CAPN13: variants seen among roughly 807,000 people sequenced by gnomAD.
CAPN13 encodes calpain-13.
In CAPN13, 90 loss-of-function variants were observed where a neutral mutation model predicts 98.4. That is an observed-to-expected ratio of 0.92 (90% CI 0.77 to 1.09). The LOEUF is 1.09. CAPN13 is among the 50% of genes least tolerant of loss of function. The probability of loss-of-function intolerance (pLI) is 0.00; values close to 1 mark genes in which losing one functional copy is unlikely to be tolerated. For synonymous variants in CAPN13, 330 were observed against 305.5 expected, an observed-to-expected ratio of 1.08 and a Z score of -0.84; for missense variants, 887 against 841.3, an observed-to-expected ratio of 1.05 and a Z score of -0.67.
chr2:30,804,762 C>T (rs990421121), intron 1 of CAPN13, among the ~76,000 whole-genome samples: 1 of 152,120 alleles, frequency 6.6e-6, no homozygotes, highest in Non-Finnish European at 1.5e-5. Context: ...GCATGCTCCA[C>T]CATGGACGTT....
chr2:30,762,791 C>A (rs77535373), intron 7 of CAPN13, among the ~76,000 whole-genome samples: 1 of 152,224 alleles, frequency 6.6e-6, no homozygotes, highest in Admixed American at 6.5e-5. Context: ...ATTCTACCTC[C>A]TTTGGGGCTA....
At chr2:30,731,071 GCGGGCTGTCCTTC>G (rs1388496505) in intron 21 of CAPN13, among the ~76,000 whole-genome samples, 1 of 152,204 alleles carries the variant, frequency 6.6e-6, no homozygotes, top group East Asian at 1.9e-4. Context: ...AGTGAGCTCA[GCGGGCTGTCCTTC>G]TGTTCCCTCC....
intron 19 of CAPN13, 102 bp downstream of exon 19, chr2:30,734,347 C>T: frequency 1.1e-6 from 1 of 871,732 alleles, no homozygotes; most frequent in East Asian, 2.6e-5. Context: ...GCTCCTCTCT[C>T]CTGATTGCCT....
intron 22 of CAPN13, among the ~76,000 whole-genome samples, chr2:30,728,813 G>C (rs149950557): frequency 6.6e-6 from 1 of 152,208 alleles, no homozygotes; most frequent in Non-Finnish European, 1.5e-5. Context: ...AAATCAGATA[G>C]GGAGGCCATG....
At chr2:30,795,251 A>T (rs1338129257) in intron 1 of CAPN13, among the ~76,000 whole-genome samples, 1 of 152,078 alleles carries the variant, frequency 6.6e-6, no homozygotes, top group Non-Finnish European at 1.5e-5. Context: ...TCTCCTGATA[A>T]ACATGCAAGA....
intron 1 of CAPN13, among the ~76,000 whole-genome samples, chr2:30,796,138 A>G (rs1215838582): frequency 7.2e-6 from 1 of 138,176 alleles, no homozygotes; most frequent in East Asian, 2.1e-4. Context: ...ACATATATAT[A>G]TGTGTGTATA....
chr2:30,777,578 T>G lies in CAPN13; in HGVS notation c.260A>C (p.Gln87Pro). 9 of 1,577,190 alleles carry G rather than the reference T, an allele frequency of 5.7e-6. No individual in the cohort carries two copies. Among genetic ancestry groups the G allele is most frequent in the Non-Finnish European group, 7.8e-6 (9 of 1,159,806 alleles). Residue 87 changes from glutamine to proline, a missense_variant, in exon 3 of 23, where the codon CAA becomes CCA. By Grantham distance (76) the Gln-to-Pro change is moderately conservative. Coordinates refer to ENST00000295055, the MANE Select transcript of CAPN13 (RefSeq NM_144575.3). ...LDDISRFDIQ[Q>P]GGAADCWFLA... is the part of the protein sequence containing the mutation. ...TGTTGCACTCTTACCTGCGCCTCCT[T>G]GTTGGATGTCAAATCTGCTTATATC...
chr2:30,732,150 G>A (rs1212761634), intron 20 of CAPN13, among the ~76,000 whole-genome samples: 1 of 152,192 alleles, frequency 6.6e-6, no homozygotes, highest in East Asian at 1.9e-4. Context: ...AGGTTTCAAT[G>A]ATAAACACAA....
chr2:30,790,936 A>G (rs1674576760), intron 1 of CAPN13, among the ~76,000 whole-genome samples: 1 of 152,184 alleles, frequency 6.6e-6, no homozygotes, highest in Non-Finnish European at 1.5e-5. Flanking sequence ...CTATCAGATT[A>G]GTCCTCACTT....
intron 11 of CAPN13, among the ~76,000 whole-genome samples, chr2:30,747,503 T>A (rs538040879): frequency 6.6e-6 from 1 of 152,350 alleles, no homozygotes; most frequent in African/African-American, 2.4e-5. Flanking sequence ...GGGAGGAACT[T>A]TGAGGGAGGT....
At position 30,727,440 on chromosome 2, in the gene CAPN13, A is replaced by G. The variant is rs372417359; in HGVS notation, c.*30+3290T>C. 3.9e-5 allele frequency among the ~76,000 whole-genome samples: 6 copies of G among 152,364 alleles called. No individual in the cohort carries two copies. In the East Asian group the frequency reaches 1.2e-3, roughly 29 times the overall value. Reference sequence around the variant, plus strand: ...TATAAGGAATTCGTATCTACAATATACAAAGAACATCTATAACTCCTCTGT... The same window carrying G: ...TATAAGGAATTCGTATCTACAATATGCAAAGAACATCTATAACTCCTCTGT... On this transcript the variant is annotated intron_variant, in intron 22 of 22. Coordinates refer to ENST00000295055, the MANE Select transcript of CAPN13 (RefSeq NM_144575.3).
At chr2:30,732,210 A>C (rs1241413728) in intron 20 of CAPN13, among the ~76,000 whole-genome samples, 1 of 152,162 alleles carries the variant, frequency 6.6e-6, no homozygotes, top group Non-Finnish European at 1.5e-5. Context: ...GGGGCTGGTC[A>C]GGGTGATGAG....
At chr2:30,756,116 C>T (rs1037903338) in intron 8 of CAPN13, among the ~76,000 whole-genome samples, 1 of 151,836 alleles carries the variant, frequency 6.6e-6, no homozygotes, top group South Asian at 2.1e-4. Flanking sequence ...AGATCCGTCT[C>T]CCCCAGTCCC....
rs776657667 is a variant in CAPN13 at position 30,732,495 on chromosome 2, C to T, written c.1870G>A (p.Gly624Ser). Residue 624 changes from glycine to serine, a missense_variant, in exon 20 of 23, where the codon GGC becomes AGC. Coordinates refer to ENST00000295055, the MANE Select transcript of CAPN13 (RefSeq NM_144575.3). ...LVTLRYSDSV[G>S]RVSFPSLVCF... ...ACCAGGCTGGGGAAGCTGACCCTGC[C>T]GACGCTGTCGCTGTACCTGAGGGTC... The T allele has an allele frequency of 3.8e-5, 61 of 1,612,824 alleles. No homozygotes were observed. Among genetic ancestry groups the T allele is most frequent in the Middle Eastern group, 1.6e-4 (1 of 6,078 alleles).
chr2:30,765,486 A>T (rs1673065849), intron 5 of CAPN13, among the ~76,000 whole-genome samples: 1 of 152,170 alleles, frequency 6.6e-6, no homozygotes, highest in Non-Finnish European at 1.5e-5. Flanking sequence ...TGTTCTGGTA[A>T]TGCAAAATCA....
chr2:30,725,237 G>T (rs1670817015), intron 22 of CAPN13, among the ~76,000 whole-genome samples: 1 of 151,914 alleles, frequency 6.6e-6, no homozygotes, highest in Non-Finnish European at 1.5e-5. Flanking sequence ...TTTCAAGTAT[G>T]AACTTTATAT....
In CAPN13 at chr2:30,793,599, A is replaced by T. The variant is rs114857429; in HGVS notation, c.-32-6242T>A. Among the ~76,000 whole-genome samples the T allele has an allele frequency of 4.7e-3, 717 of 151,910 alleles. 4 individuals carry two copies. The highest frequency in any genetic ancestry group is 0.017 in the African/African-American group (688 of 41,514). ...GTTAGAAATTGATAAGCAGATTCTA[A>T]GATTTATATCTAAATGCGAAGAACC... On this transcript the variant is annotated intron_variant, in intron 1 of 22. Coordinates refer to ENST00000295055, the MANE Select transcript of CAPN13 (RefSeq NM_144575.3).
At position 30,764,230 on chromosome 2, in the gene CAPN13, T is replaced by C. The variant is rs778833317; in HGVS notation, c.601A>G (p.Thr201Ala). The C allele has an allele frequency of 2.5e-6, 4 of 1,613,232 alleles. No individual in the cohort carries two copies. The South Asian group carries it at 3.3e-5, about 13-fold the overall frequency. The change falls in exon 6 of 23, where the codon ACC becomes GCC. Residue 201 changes from threonine to alanine, a missense_variant. By Grantham distance (58) the Thr-to-Ala change is moderately conservative. Coordinates refer to ENST00000295055, the MANE Select transcript of CAPN13 (RefSeq NM_144575.3). ...ALVDLTGGVI[T>A]NIHLHSSPVD... ...GGGGAAGAGTGCAGATGGATGTTGG[T>C]GATCACGCCTCCTGTGAGGTCCACC...
At chr2:30,754,499 C>G in intron 8 of CAPN13, 135 bp from the exon 9 acceptor site, 1 of 607,894 alleles carries the variant, frequency 1.6e-6, no homozygotes, top group Non-Finnish European at 2.7e-6. Flanking sequence ...CTACCTAGGA[C>G]AGGACCCAGT....
Sources: allele counts gnomAD v4.1 joint callset (sites outside exome capture counted in the v4.1 genomes callset), GRCh38; gene constraint gnomAD v4.1.1; transcripts MANE v1.5; gene names NCBI Gene and HGNC (gene_info 2026-07-23, HGNC 2026-07-21).